Variants in PARVA observed in about 807,000 individuals in gnomAD.
PARVA encodes parvin alpha.
Under a neutral mutation model 52.6 loss-of-function variants are expected in PARVA, and 25 were observed. That is an observed-to-expected ratio of 0.48 (90% confidence interval 0.35 to 0.66). PARVA has a LOEUF of 0.66. PARVA is among the 30% of genes least tolerant of loss of function. PARVA has a pLI of 0.01. For synonymous variants in PARVA, 185 were observed against 179.1 expected (o/e 1.03, Z -0.26); for missense variants, 373 against 450.9 (o/e 0.83, Z 1.56).
At chr11:12,471,435 T>C (rs1940932924) in intron 1 of PARVA, among the ~76,000 whole-genome samples, 1 of 152,194 alleles carries the variant, frequency 6.6e-6, no homozygotes, top group Admixed American at 6.5e-5. Flanking sequence ...ACTTGTGTCC[T>C]GGGGGCTTGT....
intron 4 of PARVA, among the ~76,000 whole-genome samples, chr11:12,491,820 T>C (rs1475839185): frequency 6.6e-6 from 1 of 152,212 alleles, no homozygotes; most frequent in Non-Finnish European, 1.5e-5. Flanking sequence ...AATATTTGAA[T>C]AATACAGTTA....
At chr11:12,523,023 C>T (rs745746828) in intron 12 of PARVA, among the ~76,000 whole-genome samples, 4 of 151,856 alleles carry the variant, frequency 2.6e-5, no homozygotes, top group South Asian at 2.1e-4. Flanking sequence ...CTATTTTTGA[C>T]GGGCAGGAGT....
At chr11:12,483,205 A>G (rs888756560) in intron 4 of PARVA, among the ~76,000 whole-genome samples, 3 of 152,210 alleles carry the variant, frequency 2.0e-5, no homozygotes, top group Admixed American at 2.0e-4. Context: ...TTAGCTGCCC[A>G]ACCCAGCTGC....
intron 1 of PARVA, among the ~76,000 whole-genome samples, chr11:12,399,874 G>A (rs953435302): frequency 4.6e-5 from 7 of 152,048 alleles, no homozygotes; most frequent in Non-Finnish European, 7.4e-5. Flanking sequence ...GTTATTTGCT[G>A]TCATAAAAAT....
rs1480466264 is a variant in PARVA at position 12,529,981 on chromosome 11, T to C, written c.*2056T>C. 6.6e-6 allele frequency: 1 copy of C among 152,240 alleles called. No individual in the cohort carries two copies. Among genetic ancestry groups the C allele is most frequent in the African/African-American group, 2.4e-5 (1 of 41,470 alleles). The allele number at this position is 152,240 out of a possible 1,614,324, so 9.4% of individuals were successfully genotyped here. ...ATAATTGCTTCATTTTCTTGAGCAATACTGAAGCAGGATGAAGTAAGAGGA... is the reference window on the plus strand; with the variant it reads ...ATAATTGCTTCATTTTCTTGAGCAACACTGAAGCAGGATGAAGTAAGAGGA... On this transcript the variant is annotated 3_prime_UTR_variant, in exon 13 of 13. Transcript: ENST00000334956.
rs938790856 is a variant in PARVA at position 12,529,237 on chromosome 11, T to A, written c.*1312T>A. 1.3e-5 allele frequency: 2 copies of A among 152,184 alleles called. No individual in the cohort carries two copies. Among genetic ancestry groups the A allele is most frequent in the Admixed American group, 1.3e-4 (2 of 15,282 alleles). The allele number at this position is 152,184 out of a possible 1,614,324, so 9.4% of individuals were successfully genotyped here. The stretch of plus-strand genomic sequence containing the variant: ...GCGTGGGTTACTCAAGGGCTTGTGG[T>A]TACTTGTATCTCCTCTATGTGAACT... On this transcript the variant is annotated 3_prime_UTR_variant, in exon 13 of 13. Coordinates refer to ENST00000334956, the MANE Select transcript of PARVA (RefSeq NM_018222.5).
At chr11:12,515,818 T>A (rs1042364849) in intron 10 of PARVA, among the ~76,000 whole-genome samples, 1 of 152,118 alleles carries the variant, frequency 6.6e-6, no homozygotes, top group South Asian at 2.1e-4. Flanking sequence ...GCAGGCCTGA[T>A]GGATAGAAGC....
intron 1 of PARVA, among the ~76,000 whole-genome samples, chr11:12,451,270 A>G (rs941394450): frequency 1.3e-5 from 2 of 152,152 alleles, no homozygotes; most frequent in African/African-American, 4.8e-5. Context: ...TTGTCAAAAC[A>G]AGGAGAGCAT....
At chr11:12,464,379 G>A (rs72862261) in intron 1 of PARVA, among the ~76,000 whole-genome samples, 18,300 of 152,084 alleles carry the variant, frequency 0.12, 1,176 homozygotes, top group Non-Finnish European at 0.15. Context: ...TGAGAAAACT[G>A]GCTCCTACCA....
At chr11:12,486,917 G>A (rs1941168024) in intron 4 of PARVA, among the ~76,000 whole-genome samples, 1 of 152,204 alleles carries the variant, frequency 6.6e-6, no homozygotes, top group Non-Finnish European at 1.5e-5. Flanking sequence ...GTTTTAGACT[G>A]TATTGTTTTG....
intron 12 of PARVA, among the ~76,000 whole-genome samples, chr11:12,525,103 G>A (rs766025025): frequency 5.3e-5 from 8 of 152,190 alleles, no homozygotes; most frequent in Non-Finnish European, 1.2e-4. Context: ...AAGCCACAGT[G>A]ACTGTGATAC....
In PARVA at chr11:12,529,302, A is replaced by C. The variant is rs1941743323; in HGVS notation, c.*1377A>C. ...AGAGCTCTAGTGTGCCAGCCTGCTA[A>C]GTCCTGTAAGAATAGGGAAGGGCGG... On this transcript the variant is annotated 3_prime_UTR_variant, in exon 13 of 13. Transcript: ENST00000334956. The C allele has an allele frequency of 6.6e-6, 1 of 152,188 alleles. No homozygotes were observed. Among genetic ancestry groups the C allele is most frequent in the African/African-American group, 2.4e-5 (1 of 41,452 alleles). The allele number at this position is 152,188 out of a possible 1,614,324, so 9.4% of individuals were successfully genotyped here.
chr11:12,495,655 A>AT (rs1444079285), intron 4 of PARVA, among the ~76,000 whole-genome samples: 5 of 103,024 alleles, frequency 4.9e-5, no homozygotes, highest in Admixed American at 4.2e-4. Flanking sequence ...ATGTCATTGC[A>AT]TAAAAAAAAA....
chr11:12,438,216 C>T (rs541246316), intron 1 of PARVA, among the ~76,000 whole-genome samples: 4 of 150,370 alleles, frequency 2.7e-5, no homozygotes, highest in African/African-American at 9.8e-5. Context: ...GCAGAGATCG[C>T]GCCACTACAC....
At chr11:12,415,978 TG>T (rs1318387732) in intron 1 of PARVA, among the ~76,000 whole-genome samples, 4 of 152,242 alleles carry the variant, frequency 2.6e-5, no homozygotes, top group African/African-American at 9.6e-5. Flanking sequence ...CTTGCCTTAT[TG>T]GGGGCAGAAA....
intron 4 of PARVA, among the ~76,000 whole-genome samples, chr11:12,483,009 G>A (rs1338405809): frequency 6.6e-6 from 1 of 152,246 alleles, no homozygotes; most frequent in Admixed American, 6.5e-5. Context: ...TGGCTGGCAA[G>A]GACTGGCTGG....
At chr11:12,405,818 C>T (rs372242421) in intron 1 of PARVA, among the ~76,000 whole-genome samples, 21 of 151,980 alleles carry the variant, frequency 1.4e-4, no homozygotes, top group Admixed American at 2.6e-4. Flanking sequence ...ATTAGCTGGG[C>T]GCAGTGGCAG....
chr11:12,475,068 G>C (rs1310613908), intron 3 of PARVA, among the ~76,000 whole-genome samples: 2 of 152,162 alleles, frequency 1.3e-5, no homozygotes, highest in African/African-American at 4.8e-5. Context: ...ACAGGTTGCA[G>C]TCGACTCCTA....
intron 1 of PARVA, among the ~76,000 whole-genome samples, chr11:12,411,967 C>T (rs1939998280): frequency 6.6e-6 from 1 of 152,192 alleles, no homozygotes; most frequent in African/African-American, 2.4e-5. Context: ...CATATCGACT[C>T]ATCCCCCAGG....
Sources: allele counts gnomAD v4.1 joint callset (sites outside exome capture counted in the v4.1 genomes callset), GRCh38; gene constraint gnomAD v4.1.1; transcripts MANE v1.5; gene names NCBI Gene and HGNC (gene_info 2026-07-23, HGNC 2026-07-21).